Variants in GABRB1 observed in about 807,000 individuals in gnomAD.
GABRB1 encodes the protein gamma-aminobutyric acid type A receptor subunit beta1, also known as gamma-aminobutyric acid receptor subunit beta-1.
In GABRB1, 17 loss-of-function variants were observed where a neutral mutation model predicts 51.6. That is an observed-to-expected ratio of 0.33 (90% CI 0.23 to 0.49). GABRB1 has a LOEUF of 0.49. Among genes scored for constraint, GABRB1 ranks in the 20% least tolerant of loss-of-function variants. The pLI, the probability that GABRB1 is intolerant of heterozygous loss-of-function variation, is 0.99. For synonymous variants in GABRB1, 247 were observed against 218.9 expected, an observed-to-expected ratio of 1.13 and a Z score of -1.14; for missense variants, 410 against 600.6, an observed-to-expected ratio of 0.68 and a Z score of 3.32.
chr4:47,357,067 TC>T (rs1726610827), intron 5 of GABRB1, among the ~76,000 whole-genome samples: 1 of 152,226 alleles, frequency 6.6e-6, no homozygotes, highest in Non-Finnish European at 1.5e-5. Context: ...CCTCATTTTT[TC>T]TAATTTCAAA....
intron 3 of GABRB1, among the ~76,000 whole-genome samples, chr4:47,034,289 G>A (rs1725459595): frequency 6.6e-6 from 1 of 151,676 alleles, no homozygotes; most frequent in African/African-American, 2.4e-5. Context: ...CAATTAAATA[G>A]GGAAGTTGCT....
At position 47,208,686 on chromosome 4, in the gene GABRB1, A is replaced by G. The variant is rs140060853; in HGVS notation, c.461+47217A>G. ...AATAGTTGTGAAAGGCTCTTCATGG[A>G]GAGGTTGATGTGATATCCAAGTGAT... On this transcript the variant is annotated intron_variant, in intron 4 of 8. Coordinates refer to ENST00000295454, the MANE Select transcript of GABRB1 (RefSeq NM_000812.4). 4.7e-3 allele frequency among the ~76,000 whole-genome samples: 720 copies of G among 152,152 alleles called. 8 individuals are homozygous for G. Among genetic ancestry groups the G allele is most frequent in the African/African-American group, 0.017 (694 of 41,526 alleles).
At chr4:47,071,710 T>C (rs1044864939) in intron 3 of GABRB1, among the ~76,000 whole-genome samples, 1 of 151,762 alleles carries the variant, frequency 6.6e-6, no homozygotes, top group Non-Finnish European at 1.5e-5. Context: ...CTGGGACATT[T>C]ATCTATTTGG....
intron 5 of GABRB1, among the ~76,000 whole-genome samples, chr4:47,327,624 T>C (rs1378076104): frequency 2.0e-5 from 3 of 152,198 alleles, no homozygotes; most frequent in Non-Finnish European, 4.4e-5. Flanking sequence ...AAAAATGGTT[T>C]GATAACTTTT....
chr4:47,386,923 C>T (rs1043215580), intron 5 of GABRB1, among the ~76,000 whole-genome samples: 18 of 152,088 alleles, frequency 1.2e-4, no homozygotes, highest in Admixed American at 1.0e-3. Flanking sequence ...ATATGAGAAA[C>T]ATAGAGATAT....
At position 47,290,283 on chromosome 4, in the gene GABRB1, G is replaced by A. The variant is rs183050826; in HGVS notation, c.462-29844G>A. On this transcript the variant is annotated intron_variant, in intron 4 of 8. Transcript: ENST00000295454. The stretch of plus-strand genomic sequence containing the variant: ...AGTCTCCTGAGATCTGATGGTTATT[G>A]TAAGAGGGAGTTTTCCTGCACAAGC... Among the ~76,000 whole-genome samples the A allele has an allele frequency of 2.0e-5, 3 of 152,302 alleles. No homozygotes were observed. The East Asian group carries it at 5.8e-4, about 29-fold the overall frequency.
At chr4:47,209,813 T>C (rs1307624089) in intron 4 of GABRB1, among the ~76,000 whole-genome samples, 1 of 151,016 alleles carries the variant, frequency 6.6e-6, no homozygotes, top group South Asian at 2.1e-4. Flanking sequence ...AAAAAAAAAA[T>C]GTACAGTTTG....
rs535098625 is a variant in GABRB1 at position 47,268,439 on chromosome 4, G to A, written c.462-51688G>A. Among the ~76,000 whole-genome samples, 21 of 152,130 alleles carry A rather than the reference G, an allele frequency of 1.4e-4. No homozygotes were observed. In the East Asian group the frequency reaches 3.5e-3, roughly 25 times the overall value. On this transcript the variant is annotated intron_variant, in intron 4 of 8. Transcript: ENST00000295454. Reference sequence around the variant, plus strand: ...AAGGAGTGGAAAAGAGAAGGGTAGGGGATGCTTTATTTCCTTAAAATCTTT... The same window carrying A: ...AAGGAGTGGAAAAGAGAAGGGTAGGAGATGCTTTATTTCCTTAAAATCTTT...
At position 47,254,361 on chromosome 4, in the gene GABRB1, G is replaced by GTTTTTTTTTTTTTTTT. The variant is rs56838956; in HGVS notation, c.462-65750_462-65735dup. 2.0e-4 allele frequency among the ~76,000 whole-genome samples: 16 copies of GTTTTTTTTTTTTTTTT among 80,966 alleles called. 1 individual carries two copies. Among genetic ancestry groups the GTTTTTTTTTTTTTTTT allele is most frequent in the Non-Finnish European group, 2.3e-4 (10 of 44,324 alleles). 53.1% of individuals were successfully genotyped at this position (80,966 alleles called of 152,430 possible). Reference sequence around the variant, plus strand: ...ATGGTGGATGATGTTTCTTTTCTTTGTTTTTTTTTTTTTTTTTTTTTTTTT... The same window carrying GTTTTTTTTTTTTTTTT: ...ATGGTGGATGATGTTTCTTTTCTTTGTTTTTTTTTTTTTTTTTTTTTTTTTTTTTTTTTTTTTTTTT... On this transcript the variant is annotated intron_variant, in intron 4 of 8. Coordinates refer to ENST00000295454, the MANE Select transcript of GABRB1 (RefSeq NM_000812.4).
intron 4 of GABRB1, among the ~76,000 whole-genome samples, chr4:47,212,558 A>C (rs1174152061): frequency 6.6e-6 from 1 of 152,138 alleles, no homozygotes; most frequent in Non-Finnish European, 1.5e-5. Flanking sequence ...ATGTGCCTGT[A>C]GTCCCAGCTA....
At chr4:47,148,380 C>T (rs766451200) in intron 3 of GABRB1, among the ~76,000 whole-genome samples, 17 of 152,172 alleles carry the variant, frequency 1.1e-4, no homozygotes, top group Non-Finnish European at 2.2e-4. Context: ...AGCCCCTTCT[C>T]TTAATAAGTT....
intron 3 of GABRB1, among the ~76,000 whole-genome samples, chr4:47,107,067 C>A (rs1168025648): frequency 6.6e-6 from 1 of 152,060 alleles, no homozygotes; most frequent in African/African-American, 2.4e-5. Context: ...CTCTCTGAAA[C>A]ACTATTTACT....
At chr4:47,425,104 T>A (rs1578162899) in intron 8 of GABRB1, among the ~76,000 whole-genome samples, 1 of 152,216 alleles carries the variant, frequency 6.6e-6, no homozygotes, top group Non-Finnish European at 1.5e-5. Context: ...TTCAATTATG[T>A]TTTATTCATG....
intron 4 of GABRB1, among the ~76,000 whole-genome samples, chr4:47,204,406 C>T (rs955521962): frequency 2.0e-5 from 3 of 152,088 alleles, no homozygotes; most frequent in Non-Finnish European, 4.4e-5. Context: ...GTCAAATATC[C>T]CAAAAGTAGG....
chr4:47,196,377 T>G (rs1393979258), intron 4 of GABRB1, among the ~76,000 whole-genome samples: 1 of 152,208 alleles, frequency 6.6e-6, no homozygotes, highest in African/African-American at 2.4e-5. Context: ...TCTAGTTGTC[T>G]TGCTGTTACT....
intron 3 of GABRB1, among the ~76,000 whole-genome samples, chr4:47,036,220 C>G (rs553874607): frequency 6.6e-6 from 1 of 152,280 alleles, no homozygotes; most frequent in African/African-American, 2.4e-5. Flanking sequence ...ATTTAATTTA[C>G]CAAATATCCA....
At chr4:47,055,302 C>A (rs909857859) in intron 3 of GABRB1, among the ~76,000 whole-genome samples, 3 of 152,042 alleles carry the variant, frequency 2.0e-5, no homozygotes, top group Non-Finnish European at 4.4e-5. Context: ...GAAAGGTTAA[C>A]CTCAAACAAA....
At chr4:47,063,854 C>T (rs1021100148) in intron 3 of GABRB1, among the ~76,000 whole-genome samples, 11 of 151,664 alleles carry the variant, frequency 7.3e-5, no homozygotes, top group African/African-American at 1.9e-4. Flanking sequence ...ATGGACATGG[C>T]GGGGGAACAA....
chr4:47,238,922 A>G (rs185202855), intron 4 of GABRB1, among the ~76,000 whole-genome samples: 97 of 152,326 alleles, frequency 6.4e-4, no homozygotes, highest in Non-Finnish European at 1.2e-3. Context: ...TGCTTCAGCT[A>G]TTGTAGGAGG....
Sources: gnomAD v4.1 joint callset for allele counts (sites outside exome capture counted in the v4.1 genomes callset) on GRCh38, gnomAD v4.1.1 for gene constraint, MANE v1.5 for transcripts, NCBI Gene and HGNC (gene_info 2026-07-23, HGNC 2026-07-21) for gene names.